The following ZNF83 variants were observed in gnomAD, a reference collection of about 807,000 sequenced individuals.
ZNF83 encodes zinc finger protein 816B.
For synonymous variants in ZNF83, 209 were observed against 213.0 expected, an observed-to-expected ratio of 0.98 and a Z score of 0.17; for missense variants, 552 against 629.9, an observed-to-expected ratio of 0.88 and a Z score of 1.32.
intron 2 of ZNF83, among the ~76,000 whole-genome samples, chr19:52,658,136 CA>C (rs34503824): frequency 0.44 from 45,567 of 103,506 alleles, 7,583 homozygotes; most frequent in Admixed American, 0.54. Flanking sequence ...AACTTCATCT[CA>C]AAAAAAAAAA....
chr19:52,631,659 C>G (rs2868498), intron 2 of ZNF83, among the ~76,000 whole-genome samples: 12 of 152,280 alleles, frequency 7.9e-5, no homozygotes, highest in African/African-American at 2.4e-4. Flanking sequence ...CCACACCTGA[C>G]CCTCATGACT....
intron 1 of ZNF83, among the ~76,000 whole-genome samples, chr19:52,687,578 TTA>T (rs35178808): frequency 0.2 from 7,724 of 38,532 alleles, 2,287 homozygotes; most frequent in Non-Finnish European, 0.27. Context: ...TATATAAATT[TTA>T]TATATATATA....
At chr19:52,633,283 C>T (rs1285841550) in intron 2 of ZNF83, among the ~76,000 whole-genome samples, 2 of 151,910 alleles carry the variant, frequency 1.3e-5, no homozygotes, top group Non-Finnish European at 2.9e-5. Context: ...CCCACCCCAT[C>T]TCCCTTCGCT....
chr19:52,681,534 C>T (rs144404685), intron 1 of ZNF83, among the ~76,000 whole-genome samples: 2,779 of 152,158 alleles, frequency 0.018, 68 homozygotes, highest in African/African-American at 0.056. Flanking sequence ...TAAGTGCTTC[C>T]CATGTCTTAA....
rs1242307177 is a variant in ZNF83, at chr19:52,630,675, C to A, written c.-234+4391G>T. The stretch of plus-strand genomic sequence containing the variant: ...CCCACCTTAACCCACAAGTATGGGA[C>A]ATCTCCACTCCTTCCCTGGCAACTG... On this transcript the variant is annotated intron_variant, in intron 2 of 2. Coordinates refer to ENST00000301096, the Ensembl canonical transcript of ZNF83. Among the ~76,000 whole-genome samples, 6 of 152,122 alleles carry A rather than the reference C, an allele frequency of 3.9e-5. No homozygotes were observed. The South Asian group carries it at 1.3e-3, about 32-fold the overall frequency.
In ZNF83 at chr19:52,623,516, C is replaced by T. The variant is rs573476785; in HGVS notation, c.-233-8719G>A. Among the ~76,000 whole-genome samples the T allele has an allele frequency of 9.2e-5, 14 of 152,296 alleles. No homozygotes were observed. In the South Asian group the frequency reaches 1.2e-3, roughly 14 times the overall value. On this transcript the variant is annotated intron_variant, in intron 2 of 2. Coordinates refer to ENST00000301096, the Ensembl canonical transcript of ZNF83. ...GCCCAGTTCCCTTATTAGGCTGAGA[C>T]ATTTTAACCAAATTACCTGCTTCCC... is the stretch of plus-strand genomic sequence containing the variant.
chr19:52,678,464 AG>A (rs1202252303), intron 1 of ZNF83, among the ~76,000 whole-genome samples: 10 of 150,130 alleles, frequency 6.7e-5, no homozygotes, highest in Non-Finnish European at 1.3e-4. Flanking sequence ...AAAAAAAAAA[AG>A]AAAAAAGAAA....
chr19:52,631,315 T>A (rs891581436), intron 2 of ZNF83, among the ~76,000 whole-genome samples: 1 of 152,110 alleles, frequency 6.6e-6, no homozygotes, highest in Non-Finnish European at 1.5e-5. Flanking sequence ...CTAGGCATAG[T>A]TAGTGTGGTC....
intron 2 of ZNF83, among the ~76,000 whole-genome samples, chr19:52,631,798 C>T (rs1243183162): frequency 6.6e-6 from 1 of 152,182 alleles, no homozygotes; most frequent in Non-Finnish European, 1.5e-5. Context: ...CCAGCAAAGG[C>T]AGGCTATGCT....
At chr19:52,670,595 C>T (rs1467845455) in intron 1 of ZNF83, among the ~76,000 whole-genome samples, 1 of 152,104 alleles carries the variant, frequency 6.6e-6, no homozygotes, top group Non-Finnish European at 1.5e-5. Flanking sequence ...AAGAGTCAAA[C>T]TCTGTAAAAT....
At chr19:52,659,543 T>C (rs1183377763) in intron 2 of ZNF83, among the ~76,000 whole-genome samples, 1 of 148,100 alleles carries the variant, frequency 6.8e-6, no homozygotes, top group Non-Finnish European at 1.5e-5. Context: ...TAGGTCAGGG[T>C]TGACATGCAG....
chr19:52,683,272 GTGTGTGTGTA>G (rs1204844493), intron 1 of ZNF83, among the ~76,000 whole-genome samples: 56 of 83,824 alleles, frequency 6.7e-4, no homozygotes, highest in African/African-American at 1.9e-3. Flanking sequence ...GTGTGTGTGT[GTGTGTGTGTA>G]TGCTCACGTG....
chr19:52,614,728 T>C, exon 3 of ZNF83: 6 of 1,325,338 alleles, frequency 4.5e-6, no homozygotes, highest in Non-Finnish European at 4.8e-6. Context: ...CATTACTGTC[T>C]GGAATATTTC....
intron 3 of ZNF83, among the ~76,000 whole-genome samples, chr19:52,646,824 G>T (rs1022032352): frequency 6.6e-6 from 1 of 152,180 alleles, no homozygotes; most frequent in African/African-American, 2.4e-5. Flanking sequence ...AGCAAACTCT[G>T]TAAGTTCCTG....
At chr19:52,648,576 A>G (rs1023463121) in intron 3 of ZNF83, among the ~76,000 whole-genome samples, 2 of 152,202 alleles carry the variant, frequency 1.3e-5, no homozygotes, top group Admixed American at 6.5e-5. Flanking sequence ...TGACACAGCT[A>G]CAAGGCCACC....
At chr19:52,612,863 G>C in exon 3 of ZNF83, 1 of 645,500 alleles carries the variant, frequency 1.5e-6, no homozygotes, top group South Asian at 2.3e-5. Context: ...CATTAGTAAA[G>C]TTTCTGTCCT....
intron 2 of ZNF83, among the ~76,000 whole-genome samples, chr19:52,628,508 CG>C (rs1394464351): frequency 1.1e-4 from 17 of 152,244 alleles, no homozygotes; most frequent in Non-Finnish European, 2.1e-4. Context: ...ACCCAAAACT[CG>C]GGCGCCGGTC....
intron 1 of ZNF83, among the ~76,000 whole-genome samples, chr19:52,687,050 G>A (rs181840533): frequency 7.9e-5 from 12 of 151,662 alleles, no homozygotes; most frequent in South Asian, 4.2e-4. Context: ...GAGTGGTGGC[G>A]CATGCCTGTA....
intron 2 of ZNF83, among the ~76,000 whole-genome samples, chr19:52,623,972 T>C (rs990052953): frequency 6.6e-6 from 1 of 152,162 alleles, no homozygotes; most frequent in East Asian, 1.9e-4. Context: ...TATTCCATTC[T>C]TGATCTTAAA....
Sources: gnomAD v4.1 joint callset for allele counts (sites outside exome capture counted in the v4.1 genomes callset) on GRCh38, gnomAD v4.1.1 for gene constraint, MANE v1.5 for transcripts, NCBI Gene and HGNC (gene_info 2026-07-23, HGNC 2026-07-21) for gene names.